The following NLRP4 variants were observed in gnomAD, a reference collection of about 807,000 sequenced individuals.
NLRP4 encodes the protein NACHT, LRR and PYD domains-containing protein 4.
Under a neutral mutation model 84.7 loss-of-function variants are expected in NLRP4, and 44 were observed. The ratio of observed to expected loss-of-function variants is 0.52; its 90% CI spans 0.41 to 0.67. The LOEUF is 0.67. Ranked by LOEUF, NLRP4 falls within the 30% of genes least tolerant of loss-of-function variation. The pLI is 0.00. For missense variants in NLRP4, 1,260 were observed against 1,219.4 expected (o/e 1.03, Z -0.50); for synonymous variants, 544 against 476.4 (o/e 1.14, Z -1.85).
intron 1 of NLRP4, among the ~76,000 whole-genome samples, chr19:55,837,289 T>C (rs1983368221): frequency 6.6e-6 from 1 of 152,008 alleles, no homozygotes; most frequent in Admixed American, 6.6e-5. Flanking sequence ...GATGAAAAAC[T>C]GTACACCAAA....
chr19:55,869,012 T>C (rs920587372), intron 6 of NLRP4, among the ~76,000 whole-genome samples: 1 of 152,060 alleles, frequency 6.6e-6, no homozygotes, highest in Non-Finnish European at 1.5e-5. Flanking sequence ...AACAACTGTT[T>C]AAGACTTCAG....
intron 8 of NLRP4, among the ~76,000 whole-genome samples, chr19:55,878,366 G>T (rs1447292073): frequency 6.6e-6 from 1 of 152,200 alleles, no homozygotes; most frequent in African/African-American, 2.4e-5. Context: ...GCTGCAGTGA[G>T]CCATGGTCAT....
At chr19:55,861,335 G>GCT in intron 3 of NLRP4, 51 bp from the exon 4 acceptor site, 2 of 1,537,630 alleles carry the variant, frequency 1.3e-6, no homozygotes, top group Non-Finnish European at 8.9e-7. Flanking sequence ...TGTTACAAGT[G>GCT]GCTCGTGTTG....
At chr19:55,861,254 C>T (rs999673251) in intron 3 of NLRP4, 132 bp from the exon 4 acceptor site, 28 of 715,636 alleles carry the variant, frequency 3.9e-5, no homozygotes, top group East Asian at 1.1e-4. Context: ...TGAAGGGTCC[C>T]GTTCCTTCTG....
At position 55,852,375 on chromosome 19, in the gene NLRP4, G is replaced by GA; in HGVS notation, c.280+17dup. 6.4e-7 allele frequency: 1 copy of GA among 1,559,554 alleles called. No individual in the cohort carries two copies. On this transcript the variant is annotated intron_variant, in intron 2 of 9. Coordinates refer to ENST00000301295, the MANE Select transcript of NLRP4 (RefSeq NM_134444.5). ...GGAGAGAACAGGTGAGGGAGTCTGG[G>GA]AAGGGGGAAGCCTTCTTATAATGAG...
intron 1 of NLRP4, among the ~76,000 whole-genome samples, chr19:55,839,809 G>A (rs1983538465): frequency 6.6e-6 from 1 of 152,024 alleles, no homozygotes; most frequent in South Asian, 2.1e-4. Context: ...TTATCTAAAT[G>A]TATAATTAGT....
intron 2 of NLRP4, among the ~76,000 whole-genome samples, chr19:55,856,013 C>T (rs766564243): frequency 2.6e-5 from 4 of 152,178 alleles, no homozygotes; most frequent in Non-Finnish European, 5.9e-5. Context: ...TTTTAGTTTT[C>T]GAGACAGTCT....
chr19:55,873,903 C>T (rs73060187), intron 7 of NLRP4, among the ~76,000 whole-genome samples: 11,170 of 151,760 alleles, frequency 0.074, 582 homozygotes, highest in Middle Eastern at 0.12. Context: ...TACTTTGCAA[C>T]AAACTCAGAT....
intron 7 of NLRP4, among the ~76,000 whole-genome samples, chr19:55,876,603 TC>T (rs1180667692): frequency 6.6e-6 from 1 of 152,156 alleles, no homozygotes; most frequent in African/African-American, 2.4e-5. Flanking sequence ...CCTCAGGTGA[TC>T]CACCCACCTC....
Position 55,867,769 on chromosome 19 carries a change from C to T in NLRP4, c.2247C>T (p.Asn749=). 6.2e-7 allele frequency: 1 copy of T among 1,614,098 alleles called. No homozygotes were observed. Among genetic ancestry groups the T allele is most frequent in the Non-Finnish European group, 8.5e-7 (1 of 1,179,932 alleles). The change falls in exon 6 of 10, where the codon AAC becomes AAT. Residue 749 remains asparagine (N), a synonymous_variant. Coordinates refer to ENST00000301295, the MANE Select transcript of NLRP4 (RefSeq NM_134444.5). ...AAGTCCTTGCTGGCCTTCTAACCAACAACAAGAAGCTGACGTATCTGAATG... is the reference window on the plus strand; with the variant it reads ...AAGTCCTTGCTGGCCTTCTAACCAATAACAAGAAGCTGACGTATCTGAATG... ...DCEVLAGLLT[N]NKKLTYLNVS...
chr19:55,857,836 CACGT>C lies in NLRP4; in HGVS notation c.446_449del (p.Arg149GlnfsTer2). 6.2e-7 allele frequency: 1 copy of C among 1,613,932 alleles called. No individual in the cohort carries two copies. The highest frequency in any genetic ancestry group is 8.5e-7 in the Non-Finnish European group (1 of 1,179,846). ...GCTCCCAAGGAAGCTGGGAAACAGC[CACGT>C]ACAGTGATCATTCAAGGACCACAAG... On this transcript the variant is annotated frameshift_variant, in exon 3 of 10. Transcript: ENST00000301295. LOFTEE classifies it high-confidence loss of function.
At chr19:55,861,858 A>C (rs562266191) in intron 4 of NLRP4, 134 bp from the exon 5 acceptor site, 1 of 712,952 alleles carries the variant, frequency 1.4e-6, no homozygotes, top group East Asian at 2.6e-5. Context: ...TCTCAAGTTG[A>C]GAACTACTGA....
intron 1 of NLRP4, among the ~76,000 whole-genome samples, chr19:55,845,581 A>C (rs575875235): frequency 6.6e-6 from 1 of 152,004 alleles, no homozygotes; most frequent in Non-Finnish European, 1.5e-5. Flanking sequence ...TTCTAGTTCT[A>C]GATCCCTGAG....
At chr19:55,846,494 G>C (rs1983799102) in intron 1 of NLRP4, among the ~76,000 whole-genome samples, 1 of 152,118 alleles carries the variant, frequency 6.6e-6, no homozygotes, top group Non-Finnish European at 1.5e-5. Flanking sequence ...CAATGTTCTT[G>C]CCCAAAGTCA....
rs1178335129 is a variant in NLRP4, at chr19:55,851,532, G to A, written c.-65-484G>A. Among the ~76,000 whole-genome samples the A allele has an allele frequency of 5.9e-5, 3 of 50,570 alleles. 1 individual carries two copies. The highest frequency in any genetic ancestry group is 9.8e-5 in the Non-Finnish European group (3 of 30,762). The allele number at this position is 50,570 out of a possible 152,430, so 33.2% of individuals were successfully genotyped here. ...GTCCGTGGCTGCGGTGTAATTTACC[G>A]AGGCTGCGGTGTAATGTCCGTGGCT... On this transcript the variant is annotated intron_variant, in intron 1 of 9. Coordinates refer to ENST00000301295, the MANE Select transcript of NLRP4 (RefSeq NM_134444.5).
At chr19:55,872,407 C>T (rs1007386138) in intron 7 of NLRP4, among the ~76,000 whole-genome samples, 2 of 152,102 alleles carry the variant, frequency 1.3e-5, no homozygotes, top group Non-Finnish European at 2.9e-5. Context: ...AAATAAAGCT[C>T]ATTGAGCCAA....
chr19:55,853,346 T>C (rs1457324269), intron 2 of NLRP4, among the ~76,000 whole-genome samples: 1 of 152,230 alleles, frequency 6.6e-6, no homozygotes, highest in East Asian at 1.9e-4. Flanking sequence ...ATTGTCTGTG[T>C]ATTCCATTCT....
chr19:55,838,927 C>T (rs1171181074), intron 1 of NLRP4, among the ~76,000 whole-genome samples: 3 of 150,494 alleles, frequency 2.0e-5, no homozygotes, highest in East Asian at 3.9e-4. Context: ...ACAAGTAGAC[C>T]GAACATGGAA....
rs1180216390 is a variant in NLRP4, at chr19:55,836,943, G to T, written c.-66+9G>T. ...ACATAGACAGGGATGAGGTAAGGGG[G>T]GGGACTTCCCATGAAAGGTGGGACC... On this transcript the variant is annotated intron_variant, in intron 1 of 9. Transcript: ENST00000301295. The T allele has an allele frequency of 2.0e-5, 3 of 152,058 alleles. No individual in the cohort carries two copies. Among genetic ancestry groups the T allele is most frequent in the Non-Finnish European group, 4.4e-5 (3 of 68,022 alleles). 9.4% of individuals were successfully genotyped at this position (152,058 alleles called of 1,614,324 possible).
Sources: gnomAD v4.1 joint callset for allele counts (sites outside exome capture counted in the v4.1 genomes callset) on GRCh38, gnomAD v4.1.1 for gene constraint, MANE v1.5 for transcripts, NCBI Gene and HGNC (gene_info 2026-07-23, HGNC 2026-07-21) for gene names.